The following LIPG variants were observed in gnomAD, a reference collection of about 807,000 sequenced individuals.
LIPG encodes endothelial lipase.
LIPG carries 34 observed loss-of-function variants against 51.8 expected under a neutral mutation model. The ratio of observed to expected loss-of-function variants is 0.66; its 90% CI spans 0.50 to 0.87. LIPG has a LOEUF of 0.87. Ranked by LOEUF, LIPG falls within the 40% of genes least tolerant of loss-of-function variation. The pLI is 0.00. For missense variants in LIPG, 580 were observed against 652.7 expected, an observed-to-expected ratio of 0.89 and a Z score of 1.21; for synonymous variants, 246 against 246.1, an observed-to-expected ratio of 1.00 and a Z score of 0.00.
At chr18:49,579,335 TCTTCTC>T (rs2084789588) in intron 5 of LIPG, among the ~76,000 whole-genome samples, 1 of 151,444 alleles carries the variant, frequency 6.6e-6, no homozygotes, top group Non-Finnish European at 1.5e-5. Context: ...TTTTTCTTCT[TCTTCTC>T]CTTCTTCCTC....
At chr18:49,565,873 G>A (rs939179088) in intron 2 of LIPG, among the ~76,000 whole-genome samples, 4 of 152,210 alleles carry the variant, frequency 2.6e-5, no homozygotes, top group Non-Finnish European at 4.4e-5. Flanking sequence ...CTGGCTCTGA[G>A]AACCTATGAG....
At chr18:49,569,633 GAA>G in intron 4 of LIPG, 85 bp downstream of exon 4, 1 of 1,104,628 alleles carries the variant, frequency 9.1e-7, no homozygotes, top group Non-Finnish European at 1.4e-6. Context: ...GTGAGTCATA[GAA>G]AGTTAGCTTT....
In LIPG at chr18:49,583,603, C is replaced by A; in HGVS notation, c.1205C>A (p.Thr402Asn). 6.2e-7 allele frequency: 1 copy of A among 1,614,166 alleles called. No homozygotes were observed. The highest frequency in any genetic ancestry group is 8.5e-7 in the Non-Finnish European group (1 of 1,180,030). ...GCCACCAACACCTTCCTGGTCTACA[C>A]CGAGGAGGACTTGGGAGACCTCTTG... ...QNATNTFLVY[T>N]EEDLGDLLKI... Residue 402 changes from threonine (T) to asparagine (N), a missense_variant, in exon 8 of 10, where the codon ACC becomes AAC. Thr to Asn is a moderately conservative substitution (Grantham distance 65). Transcript: ENST00000261292.
intron 8 of LIPG, among the ~76,000 whole-genome samples, chr18:49,586,375 A>G (rs769352576): frequency 6.6e-6 from 1 of 152,202 alleles, no homozygotes; most frequent in Non-Finnish European, 1.5e-5. Context: ...AACAAAAGCA[A>G]TATTTATATA....
chr18:49,565,111 T>C (rs562472345), intron 1 of LIPG, among the ~76,000 whole-genome samples: 1 of 152,230 alleles, frequency 6.6e-6, no homozygotes, highest in Non-Finnish European at 1.5e-5. Flanking sequence ...AGTGACTAAT[T>C]AATACTCTTT....
rs928823584 is a variant in LIPG, at chr18:49,590,601, G to A, written c.*79G>A. On this transcript the variant is annotated 3_prime_UTR_variant, in exon 10 of 10. Transcript: ENST00000261292. ...CCCATGGAGGAAAGTTACTGCTGAG[G>A]ACCCACCCAATGGAAGGATTCTTCT... is the stretch of plus-strand genomic sequence containing the variant. The A allele has an allele frequency of 2.1e-6, 3 of 1,398,866 alleles. No homozygotes were observed. In the African/African-American group the frequency reaches 4.3e-5, roughly 20 times the overall value. 86.7% of individuals were successfully genotyped at this position (1,398,866 alleles called of 1,614,324 possible).
intron 8 of LIPG, among the ~76,000 whole-genome samples, chr18:49,584,690 A>G (rs936486006): frequency 5.3e-5 from 8 of 152,174 alleles, no homozygotes; most frequent in Admixed American, 2.0e-4. Context: ...CCCTCAGCTG[A>G]ATGATTCTAG....
At position 49,565,394 on chromosome 18, in the gene LIPG, C is replaced by T. The variant is rs772765923; in HGVS notation, c.175C>T (p.Pro59Ser). The T allele has an allele frequency of 6.2e-7, 1 of 1,614,152 alleles. No individual in the cohort carries two copies. Among genetic ancestry groups the T allele is most frequent in the South Asian group, 1.1e-5 (1 of 91,078 alleles). Reference protein sequence around the residue: ...VRFNLRTSKDPEHEGCYLSVG... With the variant: ...VRFNLRTSKDSEHEGCYLSVG... ...GTTTAACCTCCGCACCTCCAAGGAC[C>T]CAGAGCATGAAGGATGCTACCTCTC... Residue 59 changes from proline (P) to serine (S), a missense_variant, in exon 2 of 10, where the codon CCA becomes TCA. Physicochemically the swap from Pro to Ser is moderately conservative, Grantham distance 74 (BLOSUM62 -1). Transcript: ENST00000261292.
In LIPG at chr18:49,593,668, A is replaced by C. The variant is rs1240857775; in HGVS notation, c.*3146A>C. On this transcript the variant is annotated 3_prime_UTR_variant, in exon 10 of 10. Transcript: ENST00000261292. ...TTCATGGGGTATTCCTCGCATCCCC[A>C]CAGCCCAGGGGTCCCCTACCAGCCA... 18 of 152,220 alleles carry C rather than the reference A, an allele frequency of 1.2e-4. No individual in the cohort carries two copies. Among genetic ancestry groups the C allele is most frequent in the African/African-American group, 4.3e-4 (18 of 41,442 alleles). The allele number at this position is 152,220 out of a possible 1,614,324, so 9.4% of individuals were successfully genotyped here.
chr18:49,563,022 C>G (rs891869491), intron 1 of LIPG, among the ~76,000 whole-genome samples: 1 of 152,208 alleles, frequency 6.6e-6, no homozygotes, highest in Admixed American at 6.5e-5. Context: ...TGGCTTTTAG[C>G]TTCTCTTCCT....
chr18:49,582,412 G>T lies in LIPG; in HGVS notation c.1087G>T (p.Glu363Ter), dbSNP rs1194025709. The change falls in exon 7 of 10, where the codon GAA becomes TAA. Residue 363 changes from glutamate (E) to a stop codon, truncating the protein, a stop_gained. Coordinates refer to ENST00000261292, the MANE Select transcript of LIPG (RefSeq NM_006033.4). LOFTEE classifies it high-confidence loss of function. ...IHVFSYKNMG[E>*]IEPTFYVTLY... ...TGTCTTCAGTTACAAGAACATGGGAGAAATTGAGCCCACCTTTTACGTCAC... is the reference window on the plus strand; with the variant it reads ...TGTCTTCAGTTACAAGAACATGGGATAAATTGAGCCCACCTTTTACGTCAC... 6.2e-7 allele frequency: 1 copy of T among 1,614,124 alleles called. No individual in the cohort carries two copies. The highest frequency in any genetic ancestry group is 1.7e-5 in the Admixed American group (1 of 60,022).
intron 5 of LIPG, among the ~76,000 whole-genome samples, chr18:49,579,011 A>G (rs1490140314): frequency 5.7e-3 from 1 of 174 alleles, no homozygotes; most frequent in East Asian, 0.5. Flanking sequence ...GGGGAGAGGG[A>G]GAGGGAGAGG....
At chr18:49,563,305 G>A (rs921575639) in intron 1 of LIPG, among the ~76,000 whole-genome samples, 1 of 152,148 alleles carries the variant, frequency 6.6e-6, no homozygotes, top group African/African-American at 2.4e-5. Flanking sequence ...CAACTCTGGT[G>A]CTAACTAGAA....
rs2084946133 is a variant in LIPG at position 49,591,698 on chromosome 18, G to C, written c.*1176G>C. 1 of 152,140 alleles carries C rather than the reference G, an allele frequency of 6.6e-6. No individual in the cohort carries two copies. Among genetic ancestry groups the C allele is most frequent in the African/African-American group, 2.4e-5 (1 of 41,442 alleles). 9.4% of individuals were successfully genotyped at this position (152,140 alleles called of 1,614,324 possible). A position where few individuals can be genotyped will look rare whatever the true frequency, so the allele number is the denominator to read the frequency against. Reference sequence around the variant, plus strand: ...AGCCACCAATTCTAGATCTTGATTTGAATTAATACACACAATATCTGAGAC... The same window carrying C: ...AGCCACCAATTCTAGATCTTGATTTCAATTAATACACACAATATCTGAGAC... On this transcript the variant is annotated 3_prime_UTR_variant, in exon 10 of 10. Coordinates refer to ENST00000261292, the MANE Select transcript of LIPG (RefSeq NM_006033.4).
chr18:49,578,996 ACCGTG>A (rs1296621274), intron 5 of LIPG, among the ~76,000 whole-genome samples: 205 of 94,770 alleles, frequency 2.2e-3, no homozygotes, highest in Middle Eastern at 4.5e-3. Context: ...TGAGAGGGAG[ACCGTG>A]GGGAGAGGGA....
At chr18:49,577,985 C>T (rs1266965777) in intron 5 of LIPG, among the ~76,000 whole-genome samples, 2 of 138,860 alleles carry the variant, frequency 1.4e-5, no homozygotes, top group Admixed American at 6.9e-5. Context: ...ACCCCCCCAC[C>T]TCCCTCCCGG....
intron 1 of LIPG, among the ~76,000 whole-genome samples, chr18:49,565,043 A>G (rs1395827534): frequency 6.6e-6 from 1 of 152,246 alleles, no homozygotes; most frequent in South Asian, 2.1e-4. Flanking sequence ...TTGATAGGAA[A>G]GAAGAGGGAA....
At chr18:49,576,999 CTA>C (rs1431092583) in intron 5 of LIPG, among the ~76,000 whole-genome samples, 3 of 151,284 alleles carry the variant, frequency 2.0e-5, no homozygotes, top group Non-Finnish European at 2.9e-5. Flanking sequence ...TGGATACACT[CTA>C]TTTTATTTTA....
At position 49,576,457 on chromosome 18, in the gene LIPG, C is replaced by CT. The variant is rs34597464; in HGVS notation, c.793+894dup. On this transcript the variant is annotated intron_variant, in intron 5 of 9. Transcript: ENST00000261292. ...TCTTTTTTTAAAAGACAGAATCTTGCTTTTTTTTTTTTTTTTTTTTTTTTT... is the reference window on the plus strand; with the variant it reads ...TCTTTTTTTAAAAGACAGAATCTTGCTTTTTTTTTTTTTTTTTTTTTTTTTT... Among the ~76,000 whole-genome samples, 158 of 51,482 alleles carry CT rather than the reference C, an allele frequency of 3.1e-3. 35 individuals are homozygous for CT. Among genetic ancestry groups the CT allele is most frequent in the African/African-American group, 0.011 (134 of 11,782 alleles). The allele number at this position is 51,482 out of a possible 152,430, so 33.8% of individuals were successfully genotyped here.
Sources: gnomAD v4.1 joint callset for allele counts (sites outside exome capture counted in the v4.1 genomes callset) on GRCh38, gnomAD v4.1.1 for gene constraint, MANE v1.5 for transcripts, NCBI Gene and HGNC (gene_info 2026-07-23, HGNC 2026-07-21) for gene names.